The following HEG1 variants were observed in gnomAD, a reference collection of about 807,000 sequenced individuals.
HEG1 encodes heart development protein with EGF like domains 1, also known as protein HEG homolog 1.
A neutral mutation model predicts 125.6 loss-of-function variants in HEG1; 56 were observed. The observed-to-expected ratio is 0.45, with a 90% CI of 0.36 to 0.56. The LOEUF is 0.56. HEG1 is among the 20% of genes least tolerant of loss of function. The pLI is 0.00. For synonymous variants in HEG1, 644 were observed against 668.5 expected, an observed-to-expected ratio of 0.96 and a Z score of 0.57; for missense variants, 1,523 against 1,670.0, an observed-to-expected ratio of 0.91 and a Z score of 1.53.
intron 15 of HEG1, among the ~76,000 whole-genome samples, chr3:124,977,375 A>C (rs540325714): frequency 6.6e-6 from 1 of 152,344 alleles, no homozygotes; most frequent in East Asian, 1.9e-4. Context: ...GGCCATCTGT[A>C]TCTCTTCTTT....
intron 5 of HEG1, among the ~76,000 whole-genome samples, chr3:125,015,516 GT>G (rs1350628841): frequency 1.3e-5 from 2 of 152,240 alleles, no homozygotes; most frequent in African/African-American, 4.8e-5. Flanking sequence ...ACAGCCTGAG[GT>G]GGGGGGTGAA....
Position 125,009,328 on chromosome 3 carries a change from C to CT in HEG1, c.3193+376dup, listed in dbSNP as rs949746009. On this transcript the variant is annotated intron_variant, in intron 8 of 16. Coordinates refer to ENST00000311127, the MANE Select transcript of HEG1 (RefSeq NM_020733.2). ...TATGTGGTCAGAATAATCCTTTTGA[C>CT]TTTTTTTTTCCTAGCTCCAGGGTGG... Among the ~76,000 whole-genome samples, 4 of 148,550 alleles carry CT rather than the reference C, an allele frequency of 2.7e-5. No homozygotes were observed. In the South Asian group the frequency reaches 6.4e-4, roughly 24 times the overall value.
Position 124,997,900 on chromosome 3 carries a change from A to G in HEG1, c.3518-77T>C, listed in dbSNP as rs1936946889. The G allele has an allele frequency of 2.8e-6, 4 of 1,425,782 alleles. No homozygotes were observed. The African/African-American group carries it at 4.3e-5, about 15-fold the overall frequency. 88.3% of individuals were successfully genotyped at this position (1,425,782 alleles called of 1,614,324 possible). Reference sequence around the variant, plus strand: ...AACCTTAAAATCTCCTCCACTTCAAAGCTCATGTGTCTGCATGAACTCTCT... The same window carrying G: ...AACCTTAAAATCTCCTCCACTTCAAGGCTCATGTGTCTGCATGAACTCTCT... On this transcript the variant is annotated intron_variant, in intron 11 of 16. Coordinates refer to ENST00000311127, the MANE Select transcript of HEG1 (RefSeq NM_020733.2).
chr3:124,980,574 T>C (rs1936630701), intron 14 of HEG1, among the ~76,000 whole-genome samples: 1 of 152,128 alleles, frequency 6.6e-6, no homozygotes, highest in Admixed American at 6.6e-5. Flanking sequence ...TGGAGTGCAA[T>C]GGTGTGATCT....
At chr3:125,029,749 G>A (rs147570985) in intron 1 of HEG1, among the ~76,000 whole-genome samples, 2,442 of 152,158 alleles carry the variant, frequency 0.016, 22 homozygotes, top group Non-Finnish European at 0.023. Context: ...AAAATTAGCC[G>A]GTCGTGATGG....
chr3:125,027,820 T>C (rs1937440397), intron 2 of HEG1, among the ~76,000 whole-genome samples: 1 of 152,194 alleles, frequency 6.6e-6, no homozygotes, highest in Non-Finnish European at 1.5e-5. Flanking sequence ...TCCACCAGAT[T>C]GGTCCCAGAA....
intron 16 of HEG1, among the ~76,000 whole-genome samples, chr3:124,972,899 G>A (rs771501978): frequency 9.2e-5 from 14 of 152,116 alleles, no homozygotes; most frequent in Admixed American, 2.6e-4. Context: ...GGCCTACTGA[G>A]TATACAATAT....
intron 12 of HEG1, among the ~76,000 whole-genome samples, chr3:124,997,310 A>C (rs1247063961): frequency 6.6e-6 from 1 of 152,174 alleles, no homozygotes; most frequent in Non-Finnish European, 1.5e-5. Context: ...CCTCTGAAAG[A>C]TATAAGCCTG....
chr3:125,010,677 G>A, intron 6 of HEG1, 122 bp from the exon 7 acceptor site: 1 of 691,066 alleles, frequency 1.4e-6, no homozygotes, highest in East Asian at 2.8e-5. Flanking sequence ...TACTTGCCCT[G>A]AAAGGCCACA....
chr3:124,993,327 G>A (rs1936862471), intron 12 of HEG1, among the ~76,000 whole-genome samples: 1 of 152,116 alleles, frequency 6.6e-6, no homozygotes, highest in African/African-American at 2.4e-5. Flanking sequence ...GTTTTCACTA[G>A]GTGCTTTCAC....
At chr3:125,017,115 C>T (rs1250307338) in intron 5 of HEG1, among the ~76,000 whole-genome samples, 1 of 151,538 alleles carries the variant, frequency 6.6e-6, no homozygotes, top group Non-Finnish European at 1.5e-5. Flanking sequence ...AGTGCAGTGG[C>T]ATGATCTCAG....
Position 125,052,687 on chromosome 3 carries a change from TA to T in HEG1, c.316+2887del, listed in dbSNP as rs1340723722. Among the ~76,000 whole-genome samples the T allele has an allele frequency of 2.0e-5, 3 of 152,170 alleles. 1 individual carries two copies. Among genetic ancestry groups the T allele is most frequent in the Non-Finnish European group, 4.4e-5 (3 of 68,026 alleles). ...AACACACGCAGAAAAAGAAAACCTC[TA>T]GGTCTCAGCATCTTGTCACCACTGG... On this transcript the variant is annotated intron_variant, in intron 1 of 16. Transcript: ENST00000311127.
At chr3:124,989,077 T>C (rs551118753) in intron 14 of HEG1, among the ~76,000 whole-genome samples, 1 of 152,314 alleles carries the variant, frequency 6.6e-6, no homozygotes, top group East Asian at 1.9e-4. Flanking sequence ...ATGACCAAAG[T>C]CATCAGTAAT....
intron 14 of HEG1, among the ~76,000 whole-genome samples, chr3:124,979,062 G>A (rs1345030050): frequency 2.0e-5 from 3 of 151,584 alleles, no homozygotes; most frequent in Admixed American, 2.0e-4. Flanking sequence ...CGATTCTTCT[G>A]CCTCAGCCTC....
chr3:125,035,214 C>T (rs1254366832), intron 1 of HEG1, among the ~76,000 whole-genome samples: 1 of 152,154 alleles, frequency 6.6e-6, no homozygotes. Flanking sequence ...GATCTGCCCA[C>T]CTCAGCCTCA....
intron 1 of HEG1, among the ~76,000 whole-genome samples, chr3:125,039,268 C>A (rs555321082): frequency 5.9e-5 from 9 of 152,068 alleles, no homozygotes; most frequent in Non-Finnish European, 1.3e-4. Context: ...ATCAGGGATG[C>A]TAGCACAGCC....
At chr3:124,983,339 T>C (rs1936684583) in intron 14 of HEG1, among the ~76,000 whole-genome samples, 1 of 132,384 alleles carries the variant, frequency 7.6e-6, no homozygotes, top group African/African-American at 3.0e-5. Context: ...GCCTTTTATT[T>C]TTTAATCTTT....
At chr3:124,994,691 A>C (rs1470606929) in intron 12 of HEG1, among the ~76,000 whole-genome samples, 4 of 152,162 alleles carry the variant, frequency 2.6e-5, no homozygotes, top group African/African-American at 9.7e-5. Flanking sequence ...TTTTTAGTAC[A>C]GACAGGGTTT....
At chr3:125,041,543 C>T (rs1043410426) in intron 1 of HEG1, among the ~76,000 whole-genome samples, 8 of 152,168 alleles carry the variant, frequency 5.3e-5, no homozygotes, top group African/African-American at 9.7e-5. Flanking sequence ...AACAGTATGG[C>T]GGTTCCTCAA....
Sources: gnomAD v4.1 joint callset for allele counts (sites outside exome capture counted in the v4.1 genomes callset) on GRCh38, gnomAD v4.1.1 for gene constraint, MANE v1.5 for transcripts, NCBI Gene and HGNC (gene_info 2026-07-23, HGNC 2026-07-21) for gene names.